Variants in ATG2B observed in about 807,000 individuals in gnomAD.
ATG2B encodes the protein autophagy related 2B, also known as autophagy-related protein 2 homolog B.
Under a neutral mutation model 241.3 loss-of-function variants are expected in ATG2B, and 121 were observed. That is an observed-to-expected ratio of 0.50 (90% CI 0.43 to 0.58). The LOEUF is 0.58. Ranked by LOEUF, ATG2B falls within the 20% of genes least tolerant of loss-of-function variation. ATG2B has a pLI of 0.00. For missense variants in ATG2B, 2,306 were observed against 2,491.6 expected (o/e 0.93, Z 1.59); for synonymous variants, 858 against 876.6 (o/e 0.98, Z 0.37).
intron 12 of ATG2B, 40 bp downstream of exon 12, chr14:96,329,443 AT>A: frequency 7.1e-7 from 1 of 1,413,038 alleles, no homozygotes; most frequent in Non-Finnish European, 9.6e-7. Context: ...AGCAAGGTAG[AT>A]TTAAAAAATA....
intron 32 of ATG2B, among the ~76,000 whole-genome samples, chr14:96,304,052 C>T (rs1337234186): frequency 6.6e-6 from 1 of 152,196 alleles, no homozygotes; most frequent in Non-Finnish European, 1.5e-5. Flanking sequence ...GCGTGTGATG[C>T]CATCAGTAGT....
At chr14:96,300,876 T>C (rs1248478395) in intron 34 of ATG2B, among the ~76,000 whole-genome samples, 1 of 152,210 alleles carries the variant, frequency 6.6e-6, no homozygotes, top group African/African-American at 2.4e-5. Flanking sequence ...TTATTTAAGC[T>C]CAGTCTTGAA....
At chr14:96,343,650 T>C (rs797009152) in intron 4 of ATG2B, among the ~76,000 whole-genome samples, 6 of 152,250 alleles carry the variant, frequency 3.9e-5, no homozygotes, top group African/African-American at 1.4e-4. Context: ...CTTAAGTTAG[T>C]TTTAAGGAAA....
intron 24 of ATG2B, 28 bp from the exon 25 acceptor site, chr14:96,313,185 T>G (rs1263124164): frequency 6.5e-7 from 1 of 1,535,316 alleles, no homozygotes; most frequent in Admixed American, 1.7e-5. Flanking sequence ...CAAAAGAACA[T>G]CAGTTTGATA....
chr14:96,279,213 C>A lies in ATG2B; in HGVS notation c.*6542G>T, dbSNP rs1419293139. 5.9e-5 allele frequency: 9 copies of A among 151,568 alleles called. No homozygotes were observed. The South Asian group carries it at 1.9e-3, about 31-fold the overall frequency. The allele number at this position is 151,568 out of a possible 1,614,324, so 9.4% of individuals were successfully genotyped here. A position where few individuals can be genotyped will look rare whatever the true frequency, so the allele number is the denominator to read the frequency against. ...TAGGAAATAGTCAATCAATGATGAA[C>A]TTTTATTTCATATATATTTATATTT... On this transcript the variant is annotated 3_prime_UTR_variant, in exon 42 of 42. Transcript: ENST00000359933.
intron 12 of ATG2B, 132 bp downstream of exon 12, chr14:96,329,352 G>A (rs911095847): frequency 2.5e-5 from 14 of 558,898 alleles, no homozygotes; most frequent in Admixed American, 3.6e-5. Flanking sequence ...GAACACAAGT[G>A]CAAAAAGAAA....
At chr14:96,336,925 C>T (rs1406487992) in intron 6 of ATG2B, among the ~76,000 whole-genome samples, 1 of 152,158 alleles carries the variant, frequency 6.6e-6, no homozygotes, top group Non-Finnish European at 1.5e-5. Flanking sequence ...ACAGAAGGGG[C>T]CTGAGTAATC....
intron 34 of ATG2B, among the ~76,000 whole-genome samples, chr14:96,301,389 G>A (rs1249910640): frequency 3.3e-5 from 5 of 152,148 alleles, no homozygotes; most frequent in Admixed American, 3.3e-4. Flanking sequence ...ACTATACCTT[G>A]GCTGCGCATC....
At chr14:96,356,737 A>C (rs1227969376) in intron 1 of ATG2B, among the ~76,000 whole-genome samples, 1 of 152,100 alleles carries the variant, frequency 6.6e-6, no homozygotes. Context: ...GAGAAGCTCA[A>C]GTTTCTTGAA....
chr14:96,303,196 T>C lies in ATG2B; in HGVS notation c.4902A>G (p.Ser1634=). The change falls in exon 33 of 42, where the codon TCA becomes TCG. Residue 1634 remains serine (S), a synonymous_variant. Transcript: ENST00000359933. ...PCKPDCDSSL[S]EHPVSRQVFI... ...ACACCTGCCGGGAGACTGGGTGTTC[T>C]GAGAGGCTGGAATCACAATCAGGTT... 11 of 1,611,714 alleles carry C rather than the reference T, an allele frequency of 6.8e-6. No individual in the cohort carries two copies. The highest frequency in any genetic ancestry group is 8.5e-6 in the Non-Finnish European group (10 of 1,178,912).
At chr14:96,361,562 C>T (rs1417653644) in intron 1 of ATG2B, among the ~76,000 whole-genome samples, 1 of 152,056 alleles carries the variant, frequency 6.6e-6, no homozygotes, top group Non-Finnish European at 1.5e-5. Context: ...CAAAAATATC[C>T]TTCAGAATCC....
chr14:96,301,908 G>A lies in ATG2B; in HGVS notation c.5139+99C>T, dbSNP rs1163044904. On this transcript the variant is annotated intron_variant, in intron 34 of 41. Transcript: ENST00000359933. ...AGAAGTTTGCTTTATATATGTAACCGCCATAAAAGTTCAATAATGATAAAC... is the reference window on the plus strand; with the variant it reads ...AGAAGTTTGCTTTATATATGTAACCACCATAAAAGTTCAATAATGATAAAC... 33 of 904,686 alleles carry A rather than the reference G, an allele frequency of 3.6e-5. 1 individual carries two copies. The highest frequency in any genetic ancestry group is 3.5e-4 in the South Asian group (21 of 60,030). 56.0% of individuals were successfully genotyped at this position (904,686 alleles called of 1,614,324 possible). A position where few individuals can be genotyped will look rare whatever the true frequency, so the allele number is the denominator to read the frequency against.
intron 1 of ATG2B, among the ~76,000 whole-genome samples, chr14:96,357,460 C>T (rs865851000): frequency 2.6e-5 from 4 of 152,162 alleles, no homozygotes; most frequent in African/African-American, 9.7e-5. Flanking sequence ...TCCTGAGCTT[C>T]TCTACCTGGA....
chr14:96,331,357 T>G lies in ATG2B; in HGVS notation c.1730+19A>C. On this transcript the variant is annotated intron_variant, in intron 11 of 41. Transcript: ENST00000359933. ...ATGTGGAAGTTTAAAGGATCATTAA[T>G]ACATATGTGAGAGTTTACCTAAGGT... 2 of 1,594,268 alleles carry G rather than the reference T, an allele frequency of 1.3e-6. No individual in the cohort carries two copies. The highest frequency in any genetic ancestry group is 1.7e-6 in the Non-Finnish European group (2 of 1,171,976).
At chr14:96,339,390 CAT>C (rs986576964) in intron 6 of ATG2B, among the ~76,000 whole-genome samples, 16 of 150,670 alleles carry the variant, frequency 1.1e-4, no homozygotes, top group Admixed American at 6.0e-4. Context: ...TATATACACA[CAT>C]GTGTATATAT....
chr14:96,307,005 CT>C, intron 29 of ATG2B, 89 bp from the exon 30 acceptor site: 1 of 1,047,222 alleles, frequency 9.5e-7, no homozygotes, highest in Non-Finnish European at 1.4e-6. Flanking sequence ...ATGTTGTGTG[CT>C]TTTACCTGCA....
At chr14:96,344,997 T>C (rs1488908664) in intron 3 of ATG2B, among the ~76,000 whole-genome samples, 1 of 152,080 alleles carries the variant, frequency 6.6e-6, no homozygotes, top group Non-Finnish European at 1.5e-5. Flanking sequence ...ATCTGTTATA[T>C]TCTAATCCAT....
Position 96,329,637 on chromosome 14 carries a change from A to G in ATG2B, c.1731-3T>C. On this transcript the variant is annotated splice_polypyrimidine_tract_variant and splice_region_variant and intron_variant, in intron 11 of 41. Transcript: ENST00000359933. ...CTTTAATGCCAGTACCTATAAATCT[A>G]TTATAAAAAATGCACCATTTAAGAT... 1 of 1,570,468 alleles carries G rather than the reference A, an allele frequency of 6.4e-7. No homozygotes were observed. Among genetic ancestry groups the G allele is most frequent in the Non-Finnish European group, 8.7e-7 (1 of 1,148,648 alleles).
intron 29 of ATG2B, 73 bp downstream of exon 29, chr14:96,309,380 A>C: frequency 2.0e-6 from 3 of 1,511,550 alleles, no homozygotes; most frequent in Non-Finnish European, 2.7e-6. Context: ...TGACTTATTA[A>C]ATTTACGAGA....
Sources: gnomAD v4.1 joint callset for allele counts (sites outside exome capture counted in the v4.1 genomes callset) on GRCh38, gnomAD v4.1.1 for gene constraint, MANE v1.5 for transcripts, NCBI Gene and HGNC (gene_info 2026-07-23, HGNC 2026-07-21) for gene names.